The following NAGPA variants were observed in gnomAD, a reference collection of about 807,000 sequenced individuals.
NAGPA encodes N-acetylglucosamine-1-phosphodiester alpha-N-acetylglucosaminidase.
Under a neutral mutation model 48.5 loss-of-function variants are expected in NAGPA, and 56 were observed. The observed-to-expected ratio is 1.15, with a 90% CI of 0.93 to 1.44. The LOEUF is 1.44. Among genes scored for constraint, NAGPA ranks in the 40% most tolerant of loss-of-function variants. NAGPA has a pLI of 0.00. For synonymous variants in NAGPA, 399 were observed against 315.5 expected (o/e 1.26, Z -2.81); for missense variants, 888 against 735.0 (o/e 1.21, Z -2.41).
intron 7 of NAGPA, 38 bp downstream of exon 7, chr16:5,027,808 A>T: frequency 3.9e-6 from 6 of 1,550,768 alleles, no homozygotes; most frequent in Non-Finnish European, 5.2e-6. Context: ...GCCGGGGGCC[A>T]CCGTCTCCCC....
chr16:5,027,809 C>A, intron 7 of NAGPA, 37 bp downstream of exon 7: 6 of 1,551,302 alleles, frequency 3.9e-6, no homozygotes, highest in Non-Finnish European at 5.2e-6. Flanking sequence ...CCGGGGGCCA[C>A]CGTCTCCCCA....
Position 5,027,150 on chromosome 16 carries a change from A to C in NAGPA, c.1325T>G (p.Leu442Arg), listed in dbSNP as rs1428855059. 5 of 1,614,168 alleles carry C rather than the reference A, an allele frequency of 3.1e-6. No homozygotes were observed. The East Asian group carries it at 8.9e-5, about 29-fold the overall frequency. ...PPEATLRAGELSFFTRTAWLA... is the reference protein window; with the variant it reads ...PPEATLRAGERSFFTRTAWLA... ...AAGCACCTACCTGGTGAAAAAGGAG[A>C]GTTCTCCCGCCCTCAGGGTGGCTTC... The change falls in exon 9 of 10, where the codon CTC becomes CGC. Residue 442 changes from leucine to arginine, a missense_variant. Coordinates refer to ENST00000312251, the MANE Select transcript of NAGPA (RefSeq NM_016256.4).
Position 5,028,977 on chromosome 16 carries a change from G to C in NAGPA, c.823C>G (p.Leu275Val). 6.2e-7 allele frequency: 1 copy of C among 1,613,824 alleles called. No homozygotes were observed. Among genetic ancestry groups the C allele is most frequent in the Non-Finnish European group, 8.5e-7 (1 of 1,180,034 alleles). ...ATGGCGTTGACCACGTCCTGTTTCA[G>C]CAGGAACTCCGCCATTTCCCACAGG... The part of the protein sequence containing the change: ...INLWEMAEFL[L>V]KQDVVNAINL... The change falls in exon 5 of 10, where the codon CTG becomes GTG. Residue 275 changes from leucine to valine, a missense_variant. By Grantham distance (32) the Leu-to-Val change is conservative (BLOSUM62 1). Transcript: ENST00000312251.
rs1956020657 is a variant in NAGPA, at chr16:5,027,366, G to A, written c.1188C>T (p.Gly396=). The A allele has an allele frequency of 5.6e-6, 9 of 1,613,522 alleles. No individual in the cohort carries two copies. Among genetic ancestry groups the A allele is most frequent in the Non-Finnish European group, 7.6e-6 (9 of 1,179,862 alleles). ...GSNCSEECPL[G]WHGPGCQRPC... is the part of the protein sequence containing the mutation. ...GCCTCTGGCAGCCCGGCCCATGCCA[G>A]CCAAGGGGACACTCTATGGAAAGGA... Residue 396 remains glycine, a synonymous_variant, in exon 8 of 10, where the codon GGC becomes GGT. Transcript: ENST00000312251.
At position 5,028,969 on chromosome 16, in the gene NAGPA, C is replaced by T; in HGVS notation, c.831G>A (p.Gln277=). Residue 277 remains glutamine, a synonymous_variant, in exon 5 of 10, where the codon CAG becomes CAA. Coordinates refer to ENST00000312251, the MANE Select transcript of NAGPA (RefSeq NM_016256.4). The part of the protein sequence containing the change: ...LWEMAEFLLK[Q]DVVNAINLDG... ...CCAGGTTGATGGCGTTGACCACGTC[C>T]TGTTTCAGCAGGAACTCCGCCATTT... 1.2e-6 allele frequency: 2 copies of T among 1,613,962 alleles called. No homozygotes were observed. The highest frequency in any genetic ancestry group is 1.7e-6 in the Non-Finnish European group (2 of 1,180,046).
Position 5,033,682 on chromosome 16 carries a change from C to T in NAGPA, c.133G>A (p.Ala45Thr), listed in dbSNP as rs1956149229. ...CGTGTGCAGTCCCGGGGGAGGCGCG[C>T]GCGCGCGCGTGGATAGGGCAGTAGC... ...DLLLPYPRAR[A>T]RLPRDCTRVR... Residue 45 changes from alanine to threonine, a missense_variant, in exon 2 of 10, where the codon GCG becomes ACG. Ala to Thr is a moderately conservative substitution (Grantham distance 58). Coordinates refer to ENST00000312251, the MANE Select transcript of NAGPA (RefSeq NM_016256.4). The surrounding 1 kb of genome is among the most constrained non-coding windows in gnomAD (Gnocchi z 4.2). 1.3e-6 allele frequency: 2 copies of T among 1,594,492 alleles called. No individual in the cohort carries two copies. Among genetic ancestry groups the T allele is most frequent in the South Asian group, 1.1e-5 (1 of 90,322 alleles).
intron 4 of NAGPA, 196 bp from the exon 5 acceptor site, chr16:5,029,204 A>C: frequency 2.3e-6 from 2 of 853,136 alleles, no homozygotes; most frequent in Non-Finnish European, 3.7e-6. Flanking sequence ...GTGCTGTTAC[A>C]TGGCATAGGA....
rs765720416 is a variant in NAGPA at position 5,028,173 on chromosome 16, CAT to C, written c.931_932del (p.Met311ValfsTer22). The C allele has an allele frequency of 3.8e-6, 6 of 1,564,736 alleles. No homozygotes were observed. Among genetic ancestry groups the C allele is most frequent in the Admixed American group, 3.8e-5 (2 of 52,090 alleles). On this transcript the variant is annotated frameshift_variant, in exon 6 of 10. Coordinates refer to ENST00000312251, the MANE Select transcript of NAGPA (RefSeq NM_016256.4). LOFTEE classifies it high-confidence loss of function. Reference sequence around the variant, plus strand: ...TGGACACTTGGCGGGGACAGCGCCACATGTTGTCCTGGCTGTAGAGGGATGTG... The same window carrying C: ...TGGACACTTGGCGGGGACAGCGCCACGTTGTCCTGGCTGTAGAGGGATGTG... ...SYPSDHCQDN[M>X]WRCPRQVSTV... is the part of the protein sequence containing the mutation.
At chr16:5,028,667 T>C in intron 5 of NAGPA, 3 of 711,770 alleles carry the variant, frequency 4.2e-6, no homozygotes, top group Non-Finnish European at 7.2e-6. Context: ...TCTCAGTTCT[T>C]ATTCTGTCAT....
At chr16:5,030,198 G>C (rs1956075120) in intron 4 of NAGPA, 187 bp downstream of exon 4, 1 of 636,908 alleles carries the variant, frequency 1.6e-6, no homozygotes, top group African/African-American at 1.8e-5. Flanking sequence ...AAGATGATGA[G>C]TTCTTGGAAT....
intron 5 of NAGPA, chr16:5,028,447 C>G (rs748382165): frequency 6.8e-6 from 5 of 732,046 alleles, no homozygotes; most frequent in South Asian, 5.9e-5. Flanking sequence ...GTTGCCCACA[C>G]TGGTCTTAAA....
chr16:5,033,161 G>A lies in NAGPA; in HGVS notation c.542+112C>T, dbSNP rs998387390. The A allele has an allele frequency of 3.2e-6, 4 of 1,244,418 alleles. No individual in the cohort carries two copies. Among genetic ancestry groups the A allele is most frequent in the Non-Finnish European group, 4.5e-6 (4 of 884,862 alleles). 77.1% of individuals were successfully genotyped at this position (1,244,418 alleles called of 1,614,324 possible). On this transcript the variant is annotated intron_variant, in intron 2 of 9. Coordinates refer to ENST00000312251, the MANE Select transcript of NAGPA (RefSeq NM_016256.4). This position sits in a 1 kb window ranked among gnomAD's most constrained non-coding sequence, Gnocchi z 4.2. ...AAGCGATTCCTATCCCCATTCTGCA[G>A]AGGAGGAAACAGGGGCTCAGCTTGG...
Position 5,031,818 on chromosome 16 carries a change from C to A in NAGPA, c.609G>T (p.Val203=), listed in dbSNP as rs138461608. Residue 203 remains valine, a synonymous_variant, in exon 3 of 10, where the codon GTG becomes GTT. Coordinates refer to ENST00000312251, the MANE Select transcript of NAGPA (RefSeq NM_016256.4). ...AGATGCTTCCATTACGAATCAGCCA[C>A]ACGACCCCACTCAGCAGCTGCACAA... is the stretch of plus-strand genomic sequence containing the variant. ...NPFVQLLSGV[V]WLIRNGSIYI... The A allele has an allele frequency of 6.2e-7, 1 of 1,614,078 alleles. No individual in the cohort carries two copies. Among genetic ancestry groups the A allele is most frequent in the African/African-American group, 1.3e-5 (1 of 74,920 alleles).
intron 3 of NAGPA, 35 bp from the exon 4 acceptor site, chr16:5,030,528 T>A: frequency 1.3e-6 from 2 of 1,505,462 alleles, no homozygotes; most frequent in Non-Finnish European, 1.8e-6. Context: ...TCACCGCCCC[T>A]TGGGAGGCCT....
chr16:5,032,122 T>C (rs1457092602), intron 2 of NAGPA, among the ~76,000 whole-genome samples: 1 of 152,080 alleles, frequency 6.6e-6, no homozygotes, highest in African/African-American at 2.4e-5. Flanking sequence ...AAACAGTCTG[T>C]TTCATTTAAC....
chr16:5,032,963 G>T (rs1956128087), intron 2 of NAGPA: 1 of 499,430 alleles, frequency 2.0e-6, no homozygotes, highest in Non-Finnish European at 3.6e-6. Flanking sequence ...TGCACACACA[G>T]CAATCAGAAT....
At chr16:5,028,411 T>C (rs564499126) in intron 5 of NAGPA, 1 of 875,620 alleles carries the variant, frequency 1.1e-6, no homozygotes, top group South Asian at 1.4e-5. Context: ...AATTTTTTTT[T>C]ATTTTTTCAT....
intron 2 of NAGPA, among the ~76,000 whole-genome samples, chr16:5,032,454 G>A (rs546035710): frequency 2.2e-4 from 34 of 151,730 alleles, no homozygotes; most frequent in Admixed American, 2.0e-3. Flanking sequence ...TCAGGAGTTC[G>A]AGACCGGCCA....
At chr16:5,030,759 G>C in intron 3 of NAGPA, 1 of 520,368 alleles carries the variant, frequency 1.9e-6, no homozygotes, top group South Asian at 2.0e-5. Flanking sequence ...AATCCAAAGA[G>C]CCAGCATGCC....
Sources: gnomAD v4.1 joint callset for allele counts (sites outside exome capture counted in the v4.1 genomes callset) on GRCh38, gnomAD v4.1.1 for gene constraint, Gnocchi (gnomAD v3.1) non-coding constraint, MANE v1.5 for transcripts, NCBI Gene and HGNC (gene_info 2026-07-23, HGNC 2026-07-21) for gene names.